The following DAP3 variants were observed in gnomAD, a reference collection of about 807,000 sequenced individuals.
The protein encoded by DAP3 is death associated protein 3, also known as small ribosomal subunit protein mS29.
Under a neutral mutation model 51.9 loss-of-function variants are expected in DAP3, and 28 were observed. The ratio of observed to expected loss-of-function variants is 0.54; its 90% confidence interval spans 0.40 to 0.74. DAP3 has a LOEUF of 0.74. DAP3 is among the 30% of genes least tolerant of loss of function. DAP3 has a pLI of 0.00. For missense variants in DAP3, 458 were observed against 483.5 expected, an observed-to-expected ratio of 0.95 and a Z score of 0.49; for synonymous variants, 170 against 170.3, an observed-to-expected ratio of 1.00 and a Z score of 0.01.
chr1:155,721,679 G>T, intron 4 of DAP3, 61 bp downstream of exon 4: 1 of 1,519,690 alleles, frequency 6.6e-7, no homozygotes, highest in Non-Finnish European at 9.1e-7. Context: ...GCTAGCAAAG[G>T]GGTGGGGCTA....
At chr1:155,731,868 A>T in intron 10 of DAP3, 76 bp from the exon 11 acceptor site, 13 of 1,450,866 alleles carry the variant, frequency 9.0e-6, no homozygotes, top group Non-Finnish European at 1.2e-5. Flanking sequence ...AAAGAAAAAA[A>T]AAATCTACAG....
upstream of DAP3, chr1:155,688,106 A>C: frequency 6.2e-7 from 1 of 1,609,476 alleles, no homozygotes; most frequent in African/African-American, 1.3e-5. Context: ...AGTACAGGGA[A>C]GTGAGGAAGA....
chr1:155,725,146 G>C (rs1658429344), intron 4 of DAP3, among the ~76,000 whole-genome samples: 1 of 152,004 alleles, frequency 6.6e-6, no homozygotes, highest in African/African-American at 2.4e-5. Flanking sequence ...TTCAGTAATA[G>C]GAATAATCAA....
chr1:155,697,679 T>G (rs2149115377), intron 1 of DAP3, among the ~76,000 whole-genome samples: 1 of 152,172 alleles, frequency 6.6e-6, no homozygotes, highest in South Asian at 2.1e-4. Context: ...AGGGCGAAAC[T>G]AGAATTACTG....
chr1:155,726,067 G>A, intron 6 of DAP3, 48 bp downstream of exon 6: 3 of 1,388,866 alleles, frequency 2.2e-6, no homozygotes, highest in Non-Finnish European at 3.0e-6. Flanking sequence ...TAGTTATCCT[G>A]TTACTGTGGT....
intron 1 of DAP3, among the ~76,000 whole-genome samples, chr1:155,696,800 G>A (rs922092288): frequency 4.6e-5 from 7 of 152,206 alleles, no homozygotes; most frequent in African/African-American, 1.7e-4. Flanking sequence ...CTGGCTGCAG[G>A]TTCTTTGTTA....
At chr1:155,712,210 A>T (rs1037288530) in intron 2 of DAP3, among the ~76,000 whole-genome samples, 1 of 152,210 alleles carries the variant, frequency 6.6e-6, no homozygotes, top group African/African-American at 2.4e-5. Context: ...AAACTGCAGG[A>T]TGTTCATTCT....
chr1:155,707,136 A>G (rs1190567159), intron 1 of DAP3, among the ~76,000 whole-genome samples: 2 of 128,640 alleles, frequency 1.6e-5, no homozygotes, highest in Non-Finnish European at 3.4e-5. Flanking sequence ...ATAATAGGCC[A>G]GGCGCGGTGG....
At chr1:155,723,089 C>T (rs971448531) in intron 4 of DAP3, among the ~76,000 whole-genome samples, 13 of 151,576 alleles carry the variant, frequency 8.6e-5, no homozygotes, top group Admixed American at 2.6e-4. Context: ...TTTTTAAATA[C>T]TGCTCCTTTT....
chr1:155,697,577 G>T (rs1355165482), intron 1 of DAP3, among the ~76,000 whole-genome samples: 1 of 152,114 alleles, frequency 6.6e-6, no homozygotes, highest in Non-Finnish European at 1.5e-5. Flanking sequence ...AAGGGGAGGG[G>T]TGTACGAATA....
chr1:155,707,369 C>T (rs1477261551), intron 1 of DAP3, among the ~76,000 whole-genome samples: 6 of 147,070 alleles, frequency 4.1e-5, no homozygotes, highest in East Asian at 4.1e-4. Context: ...GCCAAGATCG[C>T]GCCACTGCAC....
At chr1:155,721,743 G>A (rs1020300128) in intron 4 of DAP3, 125 bp downstream of exon 4, 28 of 872,616 alleles carry the variant, frequency 3.2e-5, no homozygotes, top group Admixed American at 4.5e-5. Flanking sequence ...AGAAATTCAT[G>A]TGTTGATTAC....
chr1:155,725,848 A>G (rs1658518372), intron 5 of DAP3, 79 bp from the exon 6 acceptor site: 11 of 1,430,120 alleles, frequency 7.7e-6, no homozygotes, highest in Non-Finnish European at 8.7e-6. Context: ...CCATCTCAAA[A>G]AAACAAAACA....
intron 6 of DAP3, chr1:155,727,139 C>G (rs529246835): frequency 1.5e-4 from 23 of 152,512 alleles, no homozygotes; most frequent in African/African-American, 5.5e-4. Context: ...TCAAAACTTG[C>G]ATTTGTCTCT....
At chr1:155,719,683 G>T (rs1326541516) in intron 3 of DAP3, among the ~76,000 whole-genome samples, 1 of 151,804 alleles carries the variant, frequency 6.6e-6, no homozygotes, top group Admixed American at 6.6e-5. Flanking sequence ...GAATAGCTGG[G>T]ATTACAGGCG....
chr1:155,694,850 TC>T (rs1654311430), intron 1 of DAP3, among the ~76,000 whole-genome samples: 1 of 152,212 alleles, frequency 6.6e-6, no homozygotes, highest in African/African-American at 2.4e-5. Flanking sequence ...TTACCTTCTG[TC>T]CTGTTAAATG....
intron 1 of DAP3, among the ~76,000 whole-genome samples, chr1:155,700,118 G>T (rs1207777414): frequency 6.6e-6 from 1 of 152,106 alleles, no homozygotes; most frequent in Non-Finnish European, 1.5e-5. Flanking sequence ...GGTATTTTTG[G>T]TAGAGACAGG....
chr1:155,702,563 A>G (rs1655441928), intron 1 of DAP3, among the ~76,000 whole-genome samples: 2 of 152,166 alleles, frequency 1.3e-5, no homozygotes, highest in African/African-American at 4.8e-5. Context: ...TGAGTATGAT[A>G]TGAGGTAGGG....
intron 1 of DAP3, among the ~76,000 whole-genome samples, chr1:155,707,276 G>A (rs1430883442): frequency 6.6e-6 from 1 of 151,910 alleles, no homozygotes; most frequent in Non-Finnish European, 1.5e-5. Flanking sequence ...AGCGGGGCGT[G>A]GTGGTGGGCG....
Sources: gnomAD v4.1 joint callset for allele counts (sites outside exome capture counted in the v4.1 genomes callset) on GRCh38, gnomAD v4.1.1 for gene constraint, MANE v1.5 for transcripts, NCBI Gene and HGNC (gene_info 2026-07-23, HGNC 2026-07-21) for gene names.